MTR: variants seen among roughly 807,000 people sequenced by gnomAD.
MTR encodes the protein 5-methyltetrahydrofolate-homocysteine methyltransferase, also known as methionine synthase.
A neutral mutation model predicts 154.8 loss-of-function variants in MTR; 84 were observed. That is an observed-to-expected ratio of 0.54 (90% confidence interval 0.45 to 0.65). MTR has a LOEUF of 0.65. Ranked by LOEUF, MTR falls within the 30% of genes least tolerant of loss-of-function variation. MTR has a pLI of 0.00. For synonymous variants in MTR, 554 were observed against 553.9 expected, an observed-to-expected ratio of 1.00 and a Z score of 0.00; for missense variants, 1,275 against 1,570.2, an observed-to-expected ratio of 0.81 and a Z score of 3.18.
chr1:236,851,424 T>C (rs944257721), intron 16 of MTR, among the ~76,000 whole-genome samples: 1 of 152,362 alleles, frequency 6.6e-6, no homozygotes, highest in Admixed American at 6.5e-5. Context: ...GGAGGAAATA[T>C]GTGTGTTAGA....
intron 5 of MTR, among the ~76,000 whole-genome samples, chr1:236,810,881 C>G (rs1342549697): frequency 2.0e-5 from 3 of 152,122 alleles, no homozygotes; most frequent in African/African-American, 7.2e-5. Flanking sequence ...AAGCTGTAAA[C>G]TCAGAAGTTG....
intron 23 of MTR, 69 bp downstream of exon 23, chr1:236,873,909 TTGTC>T: frequency 6.8e-7 from 1 of 1,460,558 alleles, no homozygotes; most frequent in South Asian, 1.1e-5. Context: ...ATTTCCCTAG[TTGTC>T]TGTCAGTGAA....
At chr1:236,797,872 C>A (rs906939731) in intron 1 of MTR, among the ~76,000 whole-genome samples, 4 of 151,278 alleles carry the variant, frequency 2.6e-5, no homozygotes, top group Admixed American at 2.0e-4. Context: ...GCAGGAGAAT[C>A]GCTTGAACCC....
At chr1:236,869,798 C>T (rs1665024198) in intron 22 of MTR, among the ~76,000 whole-genome samples, 1 of 152,078 alleles carries the variant, frequency 6.6e-6, no homozygotes. Flanking sequence ...CTTCACATAC[C>T]CTGGGATTCC....
In MTR at chr1:236,809,533, A is replaced by G. The variant is rs528409893; in HGVS notation, c.409+760A>G. Among the ~76,000 whole-genome samples, 37 of 152,344 alleles carry G rather than the reference A, an allele frequency of 2.4e-4. 1 individual carries two copies. In the South Asian group the frequency reaches 7.5e-3, roughly 31 times the overall value. ...CCAAAGCAGGAACTCTGTTTCTAAG[A>G]GATAATGTTTAAATTCATGGAAATG... On this transcript the variant is annotated intron_variant, in intron 4 of 32. Transcript: ENST00000366577.
chr1:236,876,805 A>T (rs1290246393), intron 24 of MTR, among the ~76,000 whole-genome samples: 1 of 152,206 alleles, frequency 6.6e-6, no homozygotes, highest in Non-Finnish European at 1.5e-5. Flanking sequence ...TTGCAACCTG[A>T]TATATCAGAT....
intron 15 of MTR, 133 bp downstream of exon 15, chr1:236,838,732 A>G: frequency 2.2e-6 from 2 of 901,656 alleles, no homozygotes; most frequent in Non-Finnish European, 3.5e-6. Flanking sequence ...ATTCATGTAC[A>G]TATATGTACA....
In MTR at chr1:236,815,665, T is replaced by G. The variant is rs2103058521; in HGVS notation, c.669+2T>G. The G allele has an allele frequency of 6.2e-7, 1 of 1,608,070 alleles. No individual in the cohort carries two copies. Among genetic ancestry groups the G allele is most frequent in the South Asian group, 1.1e-5 (1 of 90,670 alleles). The stretch of plus-strand genomic sequence containing the variant: ...AAATATGCTCCCCGGCCTATCTTTG[T>G]AAGTTCTAAAGTGTTTGCACAATAC... On this transcript the variant is annotated splice_donor_variant, in intron 7 of 32. Transcript: ENST00000366577. LOFTEE classifies it high-confidence loss of function.
At chr1:236,851,530 T>A (rs2103247585) in intron 16 of MTR, among the ~76,000 whole-genome samples, 1 of 152,348 alleles carries the variant, frequency 6.6e-6, no homozygotes, top group Middle Eastern at 3.4e-3. Context: ...TTAACATACA[T>A]GCACAAAACA....
At chr1:236,884,172 T>G (rs147600431) in intron 25 of MTR, among the ~76,000 whole-genome samples, 2 of 152,200 alleles carry the variant, frequency 1.3e-5, no homozygotes, top group Non-Finnish European at 2.9e-5. Context: ...CTATGAAGAT[T>G]AGCCTCATTC....
At chr1:236,798,491 A>G (rs1046655196) in intron 1 of MTR, among the ~76,000 whole-genome samples, 15 of 152,188 alleles carry the variant, frequency 9.9e-5, no homozygotes, top group African/African-American at 2.9e-4. Context: ...AAGGGCACGG[A>G]AAAAAACCCC....
intron 29 of MTR, among the ~76,000 whole-genome samples, chr1:236,893,500 G>A (rs1348224790): frequency 2.6e-5 from 4 of 152,156 alleles, no homozygotes; most frequent in Non-Finnish European, 5.9e-5. Flanking sequence ...CTGATTTCTT[G>A]TCTGTAAAAT....
intron 15 of MTR, among the ~76,000 whole-genome samples, chr1:236,844,403 G>A (rs767983520): frequency 1.3e-5 from 2 of 151,592 alleles, no homozygotes; most frequent in Non-Finnish European, 2.9e-5. Context: ...CATAAGGGGA[G>A]CAAAAAAATA....
intron 12 of MTR, among the ~76,000 whole-genome samples, chr1:236,831,377 C>G (rs983656568): frequency 6.6e-6 from 1 of 152,224 alleles, no homozygotes; most frequent in Non-Finnish European, 1.5e-5. Flanking sequence ...AGAAGTCCAC[C>G]TGGCTTACCT....
chr1:236,853,139 T>G, intron 18 of MTR, 51 bp downstream of exon 18: 1 of 1,582,096 alleles, frequency 6.3e-7, no homozygotes, highest in Non-Finnish European at 8.7e-7. Flanking sequence ...TTTGAATGTA[T>G]TACTCACCTA....
intron 15 of MTR, among the ~76,000 whole-genome samples, chr1:236,846,254 T>C (rs910973377): frequency 5.9e-5 from 9 of 152,246 alleles, no homozygotes; most frequent in Non-Finnish European, 1.0e-4. Context: ...ATACTGACTC[T>C]AGATTTAGTT....
intron 16 of MTR, 116 bp downstream of exon 16, chr1:236,850,639 T>C (rs933983864): frequency 9.6e-6 from 10 of 1,044,070 alleles, no homozygotes; most frequent in African/African-American, 1.6e-5. Context: ...CATTCTTAGT[T>C]AGTAAATTGT....
Position 236,862,303 on chromosome 1 carries a change from G to T in MTR, c.2264G>T (p.Arg755Ile). 6.2e-7 allele frequency: 1 copy of T among 1,614,024 alleles called. No individual in the cohort carries two copies. The highest frequency in any genetic ancestry group is 2.2e-5 in the East Asian group (1 of 44,880). The stretch of plus-strand genomic sequence containing the variant: ...CTTATCCCTTTCATGGAAAAAGAAA[G>T]AGAAGAAACCAGAGTGCTTAACGGC... Reference protein sequence around the residue: ...GHLIPFMEKEREETRVLNGTV... With the variant: ...GHLIPFMEKEIEETRVLNGTV... Residue 755 changes from arginine (R) to isoleucine (I), a missense_variant, in exon 21 of 33, where the codon AGA becomes ATA. By Grantham distance (97) the Arg-to-Ile change is moderately conservative. Transcript: ENST00000366577.
At chr1:236,830,399 C>A (rs539947561) in intron 12 of MTR, among the ~76,000 whole-genome samples, 1 of 151,752 alleles carries the variant, frequency 6.6e-6, no homozygotes, top group Non-Finnish European at 1.5e-5. Context: ...AACAAGAGAG[C>A]CATTTACATA....
Sources: allele counts gnomAD v4.1 joint callset (sites outside exome capture counted in the v4.1 genomes callset), GRCh38; gene constraint gnomAD v4.1.1; transcripts MANE v1.5; gene names NCBI Gene and HGNC (gene_info 2026-07-23, HGNC 2026-07-21).